The following ANK3 variants were observed in gnomAD, a reference collection of about 807,000 sequenced individuals.
The protein encoded by ANK3 is ankyrin-3.
In ANK3, 57 loss-of-function variants were observed where a neutral mutation model predicts 370.9. The ratio of observed to expected loss-of-function variants is 0.15; its 90% CI spans 0.12 to 0.19. The LOEUF is 0.19. ANK3 is among the 10% of genes least tolerant of loss of function. The pLI is 1.00. For synonymous variants in ANK3, 1,929 were observed against 1,946.3 expected (o/e 0.99, Z 0.23); for missense variants, 4,439 against 5,302.1 (o/e 0.84, Z 5.06).
Position 60,069,124 on chromosome 10 carries a change from G to A in ANK3, c.11757C>T (p.His3919=). 6.2e-7 allele frequency: 1 copy of A among 1,614,108 alleles called. No individual in the cohort carries two copies. Among genetic ancestry groups the A allele is most frequent in the East Asian group, 2.2e-5 (1 of 44,880 alleles). ...TTCTAACTGCAATTATGTTATCCCT[G>A]TGTGTGTTTTTCACTGGAATTCTGG... ...VKSRIPVKNT[H]RDNIIAVRKA... is the part of the protein sequence containing the mutation. The change falls in exon 37 of 44, where the codon CAC becomes CAT. Residue 3919 remains histidine, a synonymous_variant. Coordinates refer to ENST00000280772, the MANE Select transcript of ANK3 (RefSeq NM_020987.5).
chr10:60,335,951 G>A (rs112331159), intron 1 of ANK3, among the ~76,000 whole-genome samples: 14 of 152,048 alleles, frequency 9.2e-5, no homozygotes, highest in Admixed American at 2.6e-4. Context: ...GCCAATAGAC[G>A]AGAATTTTAA....
At chr10:60,137,401 AG>A in intron 24 of ANK3, 2 of 329,216 alleles carry the variant, frequency 6.1e-6, no homozygotes, top group South Asian at 5.0e-5. Context: ...AACAAGAAAT[AG>A]AAAGCAAAAA....
intron 42 of ANK3, among the ~76,000 whole-genome samples, chr10:60,051,857 CTT>C (rs2078108332): frequency 6.6e-6 from 1 of 151,504 alleles, no homozygotes; most frequent in African/African-American, 2.4e-5. Flanking sequence ...ATTATGGAGA[CTT>C]TTTGGCAGCA....
chr10:60,137,382 A>AAAAAAG, intron 24 of ANK3: 1 of 369,052 alleles, frequency 2.7e-6, no homozygotes, highest in Non-Finnish European at 5.3e-6. Flanking sequence ...AGGAAAAAAA[A>AAAAAAG]AAAAAAAAAA....
chr10:60,501,482 A>C (rs2075794744), intron 2 of ANK3, among the ~76,000 whole-genome samples: 1 of 152,170 alleles, frequency 6.6e-6, no homozygotes, highest in Non-Finnish European at 1.5e-5. Context: ...AGGCAGGCAG[A>C]TCACTTGAGG....
At chr10:60,202,245 C>T (rs147856501) in intron 12 of ANK3, among the ~76,000 whole-genome samples, 2,999 of 152,138 alleles carry the variant, frequency 0.02, 101 homozygotes, top group African/African-American at 0.069. Flanking sequence ...CCTCAGCCTC[C>T]CAAGTTGCTA....
Position 60,133,281 on chromosome 10 carries a change from T to C in ANK3, c.2841+990A>G, listed in dbSNP as rs141494355. On this transcript the variant is annotated intron_variant, in intron 25 of 43. Coordinates refer to ENST00000280772, the MANE Select transcript of ANK3 (RefSeq NM_020987.5). Reference sequence around the variant, plus strand: ...ACCTTTAAAAGTTTTATTGTCCAGATAGTTTCATCTGTCATTAAATCACTA... The same window carrying C: ...ACCTTTAAAAGTTTTATTGTCCAGACAGTTTCATCTGTCATTAAATCACTA... Among the ~76,000 whole-genome samples the C allele has an allele frequency of 8.3e-4, 126 of 152,376 alleles. 1 individual carries two copies. Among genetic ancestry groups the C allele is most frequent in the African/African-American group, 2.8e-3 (115 of 41,600 alleles).
intron 17 of ANK3, among the ~76,000 whole-genome samples, chr10:60,184,699 T>G (rs756317056): frequency 1.3e-5 from 2 of 152,226 alleles, no homozygotes; most frequent in African/African-American, 2.4e-5. Flanking sequence ...CTAAATATTT[T>G]TAGCCTAAAA....
intron 8 of ANK3, among the ~76,000 whole-genome samples, chr10:60,218,097 CTT>C (rs199989242): frequency 1.7e-4 from 22 of 126,128 alleles, no homozygotes; most frequent in Non-Finnish European, 2.6e-4. Flanking sequence ...CTTTTTCTTT[CTT>C]TTTTTTTTTT....
At chr10:60,521,081 T>C (rs1276680053) in intron 2 of ANK3, among the ~76,000 whole-genome samples, 1 of 152,084 alleles carries the variant, frequency 6.6e-6, no homozygotes, top group African/African-American at 2.4e-5. Context: ...ATCTATTTTG[T>C]CACAACATAA....
chr10:60,397,333 A>G (rs2063263094), intron 2 of ANK3, among the ~76,000 whole-genome samples: 2 of 152,330 alleles, frequency 1.3e-5, no homozygotes, highest in South Asian at 4.1e-4. Flanking sequence ...TAAGTCTAAC[A>G]AAAAGACATC....
intron 2 of ANK3, among the ~76,000 whole-genome samples, chr10:60,576,091 G>C (rs1474035835): frequency 2.0e-5 from 3 of 152,046 alleles, no homozygotes; most frequent in African/African-American, 7.2e-5. Context: ...TCAGCTCTTG[G>C]GGAAGTTAAA....
At chr10:60,639,671 T>C (rs2133349055) in intron 1 of ANK3, among the ~76,000 whole-genome samples, 1 of 151,804 alleles carries the variant, frequency 6.6e-6, no homozygotes, top group East Asian at 1.9e-4. Context: ...CATAGAGCAA[T>C]CCATAGACAA....
chr10:60,469,861 A>T (rs1174106765), intron 2 of ANK3, among the ~76,000 whole-genome samples: 1 of 151,582 alleles, frequency 6.6e-6, no homozygotes. Flanking sequence ...CGTGCCAATG[A>T]AACCCATTCT....
chr10:60,196,335 A>G (rs2096584895), intron 15 of ANK3, 92 bp from the exon 16 acceptor site: 1 of 1,177,988 alleles, frequency 8.5e-7, no homozygotes, highest in Non-Finnish European at 1.2e-6. Context: ...TGGATACGAC[A>G]TAGGGCATAT....
At chr10:60,600,783 T>C (rs1015099408) in intron 2 of ANK3, among the ~76,000 whole-genome samples, 2 of 152,158 alleles carry the variant, frequency 1.3e-5, no homozygotes, top group Non-Finnish European at 2.9e-5. Context: ...AAAAACATAG[T>C]TCTATGAAGG....
At chr10:60,438,090 C>G (rs2064202911) in intron 2 of ANK3, among the ~76,000 whole-genome samples, 1 of 152,130 alleles carries the variant, frequency 6.6e-6, no homozygotes, top group Non-Finnish European at 1.5e-5. Flanking sequence ...CATGCTGACC[C>G]TTATGTATGA....
intron 1 of ANK3, among the ~76,000 whole-genome samples, chr10:60,661,158 G>GT (rs568439558): frequency 2.2e-3 from 310 of 141,478 alleles, no homozygotes; most frequent in South Asian, 9.8e-3. Flanking sequence ...AAGTGTTTTG[G>GT]TTTTTTTTTT....
chr10:60,683,590 T>C (rs1191642919), intron 1 of ANK3, among the ~76,000 whole-genome samples: 1 of 152,210 alleles, frequency 6.6e-6, no homozygotes, highest in Non-Finnish European at 1.5e-5. Flanking sequence ...TCCATATCCA[T>C]TCTAAAAGTC....
Sources: gnomAD v4.1 joint callset for allele counts (sites outside exome capture counted in the v4.1 genomes callset) on GRCh38, gnomAD v4.1.1 for gene constraint, MANE v1.5 for transcripts, NCBI Gene and HGNC (gene_info 2026-07-23, HGNC 2026-07-21) for gene names.